Variants in KIF16B observed in about 807,000 individuals in gnomAD.
KIF16B encodes the protein kinesin-like protein KIF16B.
A neutral mutation model predicts 156.3 loss-of-function variants in KIF16B; 98 were observed. The observed-to-expected ratio is 0.63, with a 90% CI of 0.53 to 0.74. The LOEUF (loss-of-function observed/expected upper bound fraction) is 0.74, where lower values mean the gene tolerates loss of function less well. Ranked by LOEUF, KIF16B falls within the 30% of genes least tolerant of loss-of-function variation. The pLI, the probability that KIF16B is intolerant of heterozygous loss-of-function variation, is 0.00. For missense variants in KIF16B, 1,421 were observed against 1,606.5 expected, an observed-to-expected ratio of 0.88 and a Z score of 1.97; for synonymous variants, 564 against 583.7, an observed-to-expected ratio of 0.97 and a Z score of 0.49.
At chr20:16,306,006 T>A (rs1254873859) in intron 25 of KIF16B, among the ~76,000 whole-genome samples, 3 of 152,318 alleles carry the variant, frequency 2.0e-5, no homozygotes, top group Non-Finnish European at 4.4e-5. Flanking sequence ...GAATTATTAA[T>A]ACACTCAATC....
intron 1 of KIF16B, among the ~76,000 whole-genome samples, chr20:16,545,169 C>T (rs6044103): frequency 6.6e-6 from 1 of 151,822 alleles, no homozygotes; most frequent in African/African-American, 2.4e-5. Context: ...AAAGATACGG[C>T]TGTGCACGTG....
intron 15 of KIF16B, among the ~76,000 whole-genome samples, chr20:16,426,873 A>G (rs2066367137): frequency 6.6e-6 from 1 of 152,116 alleles, no homozygotes; most frequent in African/African-American, 2.4e-5. Flanking sequence ...CATAACAACA[A>G]CTTTTAAGAT....
At chr20:16,357,451 C>T (rs1291969134) in intron 22 of KIF16B, among the ~76,000 whole-genome samples, 1 of 152,194 alleles carries the variant, frequency 6.6e-6, no homozygotes, top group African/African-American at 2.4e-5. Flanking sequence ...ACTTTCATCA[C>T]ACTACTCTAG....
intron 15 of KIF16B, among the ~76,000 whole-genome samples, chr20:16,425,724 T>C (rs1480585050): frequency 6.6e-6 from 1 of 152,258 alleles, no homozygotes; most frequent in East Asian, 1.9e-4. Flanking sequence ...AATCGTGTAA[T>C]GAGATATGAG....
intron 1 of KIF16B, among the ~76,000 whole-genome samples, chr20:16,559,759 C>CA (rs2147350514): frequency 6.8e-6 from 1 of 146,778 alleles, no homozygotes; most frequent in South Asian, 2.2e-4. Context: ...GCCTGGGTGA[C>CA]AGAGCAAAAA....
At chr20:16,539,331 A>G in intron 1 of KIF16B, among the ~76,000 whole-genome samples, 1 of 152,240 alleles carries the variant, frequency 6.6e-6, no homozygotes, top group East Asian at 1.9e-4. Context: ...AGTGAGAGCC[A>G]GGCTGCTGAG....
In KIF16B at chr20:16,332,432, G is replaced by T. The variant is rs189465562; in HGVS notation, c.3711+3494C>A. Among the ~76,000 whole-genome samples, 38 of 152,266 alleles carry T rather than the reference G, an allele frequency of 2.5e-4. No homozygotes were observed. In the East Asian group the frequency reaches 7.2e-3, roughly 29 times the overall value. On this transcript the variant is annotated intron_variant, in intron 24 of 25. Transcript: ENST00000354981. ...CGGGGTCTGTACCTTTCAACATGTG[G>T]TGTTTGTTTTAGGAGCTTACTACAA...
intron 25 of KIF16B, among the ~76,000 whole-genome samples, chr20:16,295,412 C>T (rs1307918007): frequency 6.6e-6 from 1 of 151,726 alleles, no homozygotes; most frequent in African/African-American, 2.4e-5. Context: ...TGAATTATAT[C>T]TATAATTGAT....
In KIF16B at chr20:16,460,083, CAG is replaced by C. The variant is rs2067307598; in HGVS notation, c.1303-30103_1303-30102del. Among the ~76,000 whole-genome samples the C allele has an allele frequency of 2.0e-5, 3 of 152,290 alleles. No homozygotes were observed. In the South Asian group the frequency reaches 6.2e-4, roughly 32 times the overall value. On this transcript the variant is annotated intron_variant, in intron 12 of 25. Coordinates refer to ENST00000354981, the MANE Select transcript of KIF16B (RefSeq NM_024704.5). ...AAATTGTTTTCACCAGGAACCCAGA[CAG>C]AGTCTTGACTCAAGTGACCAATACC...
chr20:16,519,624 C>T (rs948661341), intron 3 of KIF16B, among the ~76,000 whole-genome samples: 1 of 152,140 alleles, frequency 6.6e-6, no homozygotes, highest in Non-Finnish European at 1.5e-5. Flanking sequence ...TGGAATAAGA[C>T]CTGAGATTTC....
chr20:16,310,988 C>T (rs1382961192), intron 25 of KIF16B, among the ~76,000 whole-genome samples: 2 of 152,222 alleles, frequency 1.3e-5, no homozygotes, highest in African/African-American at 2.4e-5. Flanking sequence ...CTTCTGCTCT[C>T]ACGGGAACCT....
intron 11 of KIF16B, among the ~76,000 whole-genome samples, chr20:16,496,352 G>C (rs1265981455): frequency 2.0e-5 from 3 of 152,236 alleles, no homozygotes; most frequent in Non-Finnish European, 2.9e-5. Flanking sequence ...AATCCTGTTT[G>C]AATTCAAGCA....
intron 1 of KIF16B, among the ~76,000 whole-genome samples, chr20:16,554,437 G>A (rs370735085): frequency 9.2e-5 from 14 of 152,184 alleles, no homozygotes; most frequent in Admixed American, 4.6e-4. Flanking sequence ...TCTGCTGAGC[G>A]CTGAACGCTC....
At chr20:16,530,133 G>A (rs2069690368) in intron 1 of KIF16B, among the ~76,000 whole-genome samples, 1 of 152,178 alleles carries the variant, frequency 6.6e-6, no homozygotes, top group South Asian at 2.1e-4. Context: ...GTTCCTTGGA[G>A]AAGTGATTCA....
chr20:16,531,267 G>A (rs1324355143), intron 1 of KIF16B, among the ~76,000 whole-genome samples: 1 of 152,154 alleles, frequency 6.6e-6, no homozygotes, highest in Non-Finnish European at 1.5e-5. Context: ...TTTGAAAACT[G>A]TTAAAAGAAA....
intron 20 of KIF16B, among the ~76,000 whole-genome samples, chr20:16,374,022 C>T (rs971612010): frequency 6.6e-6 from 1 of 152,206 alleles, no homozygotes. Context: ...ACTGTACCTG[C>T]AACAAGATTC....
At chr20:16,512,606 C>A (rs938396026) in intron 5 of KIF16B, among the ~76,000 whole-genome samples, 2 of 152,232 alleles carry the variant, frequency 1.3e-5, no homozygotes, top group Non-Finnish European at 1.5e-5. Flanking sequence ...GCTGTTATTT[C>A]TGCCAGCTCC....
intron 25 of KIF16B, among the ~76,000 whole-genome samples, chr20:16,302,944 T>C (rs2063493894): frequency 6.6e-6 from 1 of 152,208 alleles, no homozygotes; most frequent in Non-Finnish European, 1.5e-5. Flanking sequence ...AATCACATCA[T>C]CTGTGAATAA....
At chr20:16,482,628 T>C (rs954717523) in intron 12 of KIF16B, among the ~76,000 whole-genome samples, 4 of 152,178 alleles carry the variant, frequency 2.6e-5, no homozygotes, top group African/African-American at 7.2e-5. Flanking sequence ...CAGAGGGCTC[T>C]CCTGTAATGG....
Sources: gnomAD v4.1 joint callset for allele counts (sites outside exome capture counted in the v4.1 genomes callset) on GRCh38, gnomAD v4.1.1 for gene constraint, MANE v1.5 for transcripts, NCBI Gene and HGNC (gene_info 2026-07-23, HGNC 2026-07-21) for gene names.